The following PLCXD3 variants were observed in gnomAD, a reference collection of about 807,000 sequenced individuals.
PLCXD3 encodes PI-PLC X domain-containing protein 3.
In PLCXD3, 19 loss-of-function variants were observed where a neutral mutation model predicts 25.5. That is an observed-to-expected ratio of 0.75 (90% CI 0.52 to 1.09). The LOEUF is 1.09. Among genes scored for constraint, PLCXD3 ranks in the 50% least tolerant of loss-of-function variants. PLCXD3 has a pLI of 0.00. For missense variants in PLCXD3, 411 were observed against 388.1 expected, an observed-to-expected ratio of 1.06 and a Z score of -0.50; for synonymous variants, 174 against 137.6, an observed-to-expected ratio of 1.26 and a Z score of -1.85.
At chr5:41,475,542 A>G (rs1748263274) in intron 1 of PLCXD3, 7 of 511,064 alleles carry the variant, frequency 1.4e-5, no homozygotes, top group Non-Finnish European at 2.4e-5. Flanking sequence ...ATTTATCTCT[A>G]CTTATTTCTA....
intron 1 of PLCXD3, among the ~76,000 whole-genome samples, chr5:41,402,091 T>G (rs1190124752): frequency 6.6e-6 from 1 of 151,956 alleles, no homozygotes; most frequent in African/African-American, 2.4e-5. Flanking sequence ...CTTATTGATG[T>G]CTACTTTTCA....
chr5:41,453,034 C>T (rs1435051747), intron 1 of PLCXD3, among the ~76,000 whole-genome samples: 1 of 151,772 alleles, frequency 6.6e-6, no homozygotes, highest in African/African-American at 2.4e-5. Flanking sequence ...AAAATCTACC[C>T]TCAGCACTTT....
intron 1 of PLCXD3, among the ~76,000 whole-genome samples, chr5:41,442,966 T>C (rs1421437564): frequency 6.6e-6 from 1 of 151,722 alleles, no homozygotes; most frequent in Non-Finnish European, 1.5e-5. Flanking sequence ...CCTTATAATA[T>C]ATGAAGAGAA....
At chr5:41,359,280 C>CAA (rs1281853793) in intron 2 of PLCXD3, among the ~76,000 whole-genome samples, 2 of 152,226 alleles carry the variant, frequency 1.3e-5, no homozygotes, top group South Asian at 2.1e-4. Flanking sequence ...GGAGTAGTGT[C>CAA]AATAGGATTG....
chr5:41,432,900 G>A (rs1402471123), intron 1 of PLCXD3, among the ~76,000 whole-genome samples: 1 of 152,164 alleles, frequency 6.6e-6, no homozygotes, highest in African/African-American at 2.4e-5. Context: ...AGGACAAAAA[G>A]GGCCTATACA....
chr5:41,420,882 G>C (rs1460952), intron 1 of PLCXD3, among the ~76,000 whole-genome samples: 8,644 of 152,250 alleles, frequency 0.057, 335 homozygotes, highest in Middle Eastern at 0.12. Context: ...CTGCAATCAT[G>C]TGACCATATA....
chr5:41,418,475 G>C lies in PLCXD3; in HGVS notation c.104-35941C>G, dbSNP rs564970474. ...GATAAGAAGTAGAAACAGCTGTAAG[G>C]TCTTTTACAAATCTAGAAACTGAAG... On this transcript the variant is annotated intron_variant, in intron 1 of 2. Transcript: ENST00000377801. Among the ~76,000 whole-genome samples, 7 of 149,952 alleles carry C rather than the reference G, an allele frequency of 4.7e-5. No homozygotes were observed. In the South Asian group the frequency reaches 1.5e-3, roughly 32 times the overall value.
chr5:41,352,426 C>A (rs1008654813), intron 2 of PLCXD3, among the ~76,000 whole-genome samples: 1 of 152,098 alleles, frequency 6.6e-6, no homozygotes, highest in South Asian at 2.1e-4. Context: ...TCTGGAAATC[C>A]CTGGGTTCAT....
intron 1 of PLCXD3, among the ~76,000 whole-genome samples, chr5:41,491,418 G>A (rs1340976273): frequency 6.6e-6 from 1 of 152,192 alleles, no homozygotes; most frequent in African/African-American, 2.4e-5. Context: ...CTGTTGATTT[G>A]AGGTGGAGAG....
intron 1 of PLCXD3, among the ~76,000 whole-genome samples, chr5:41,431,896 C>A (rs904605406): frequency 1.3e-5 from 2 of 152,260 alleles, no homozygotes; most frequent in Admixed American, 1.3e-4. Context: ...TCTCCTGCAA[C>A]TTGTCCATGA....
chr5:41,369,477 T>C (rs187542591), intron 2 of PLCXD3, among the ~76,000 whole-genome samples: 2 of 152,276 alleles, frequency 1.3e-5, no homozygotes, highest in African/African-American at 4.8e-5. Flanking sequence ...TCATTGTCTT[T>C]TTTTGGTTGG....
intron 2 of PLCXD3, among the ~76,000 whole-genome samples, chr5:41,352,013 T>G (rs947628991): frequency 2.6e-5 from 4 of 152,238 alleles, no homozygotes; most frequent in Non-Finnish European, 5.9e-5. Context: ...TTCAAAACTA[T>G]GTCATTTTTA....
chr5:41,452,987 T>C (rs1747670700), intron 1 of PLCXD3, among the ~76,000 whole-genome samples: 1 of 151,998 alleles, frequency 6.6e-6, no homozygotes, highest in Non-Finnish European at 1.5e-5. Context: ...ATATTCATAT[T>C]TCACATATTT....
intron 1 of PLCXD3, among the ~76,000 whole-genome samples, chr5:41,491,470 T>C (rs917424445): frequency 6.6e-6 from 1 of 152,198 alleles, no homozygotes; most frequent in African/African-American, 2.4e-5. Context: ...CAGAGCTGAG[T>C]TCAATTCCTG....
chr5:41,454,842 A>G (rs976188064), intron 1 of PLCXD3, among the ~76,000 whole-genome samples: 12 of 151,984 alleles, frequency 7.9e-5, no homozygotes, highest in Non-Finnish European at 1.6e-4. Flanking sequence ...ACCTGCCTTC[A>G]TAGACTGGGT....
chr5:41,455,525 G>C (rs1482297979), intron 1 of PLCXD3, among the ~76,000 whole-genome samples: 2 of 151,874 alleles, frequency 1.3e-5, no homozygotes, highest in Non-Finnish European at 2.9e-5. Flanking sequence ...CACAGGCAAT[G>C]GCTGAACAGC....
At chr5:41,385,425 C>T (rs1204776811) in intron 1 of PLCXD3, among the ~76,000 whole-genome samples, 1 of 152,086 alleles carries the variant, frequency 6.6e-6, no homozygotes, top group Non-Finnish European at 1.5e-5. Context: ...CTAACCACTC[C>T]CATTATAAAC....
intron 1 of PLCXD3, among the ~76,000 whole-genome samples, chr5:41,422,837 C>A (rs559400967): frequency 6.6e-6 from 1 of 152,200 alleles, no homozygotes; most frequent in East Asian, 1.9e-4. Flanking sequence ...GCTGGTCCTC[C>A]AACCCAGTGC....
At chr5:41,455,347 C>T (rs941732152) in intron 1 of PLCXD3, among the ~76,000 whole-genome samples, 1 of 151,888 alleles carries the variant, frequency 6.6e-6, no homozygotes, top group African/African-American at 2.4e-5. Context: ...TTCCGTTAAC[C>T]TGACTCTCCC....
Sources: allele counts gnomAD v4.1 joint callset (sites outside exome capture counted in the v4.1 genomes callset), GRCh38; gene constraint gnomAD v4.1.1; transcripts MANE v1.5; gene names NCBI Gene and HGNC (gene_info 2026-07-23, HGNC 2026-07-21).